Variants in DCDC2C observed in about 807,000 individuals in gnomAD.
DCDC2C encodes the protein doublecortin domain containing 2C.
DCDC2C carries 44 observed loss-of-function variants against 45.0 expected under a neutral mutation model. The ratio of observed to expected loss-of-function variants is 0.98; its 90% CI spans 0.77 to 1.26. The LOEUF (loss-of-function observed/expected upper bound fraction) is 1.26, where lower values mean the gene tolerates loss of function less well. Among genes scored for constraint, DCDC2C ranks in the 50% most tolerant of loss-of-function variants. DCDC2C has a pLI of 0.00. For synonymous variants in DCDC2C, 187 were observed against 178.8 expected (o/e 1.05, Z -0.37); for missense variants, 447 against 468.9 (o/e 0.95, Z 0.43).
intron 8 of DCDC2C, among the ~76,000 whole-genome samples, chr2:3,777,358 TG>T (rs1670369440): frequency 1.3e-5 from 2 of 152,216 alleles, no homozygotes; most frequent in Admixed American, 1.3e-4. Flanking sequence ...AATTAATATC[TG>T]TCTTCCCTAT....
intron 2 of DCDC2C, among the ~76,000 whole-genome samples, chr2:3,721,185 C>T (rs1238509528): frequency 6.6e-6 from 1 of 152,168 alleles, no homozygotes; most frequent in Non-Finnish European, 1.5e-5. Context: ...TCTCAAAGAG[C>T]CAGCTTTTGG....
intron 2 of DCDC2C, among the ~76,000 whole-genome samples, chr2:3,724,199 C>T (rs183459353): frequency 9.2e-5 from 14 of 152,268 alleles, no homozygotes; most frequent in Admixed American, 3.3e-4. Context: ...GACGGTAAGA[C>T]GTAGAGCTGG....
At chr2:3,710,758 A>G (rs555948650) in intron 2 of DCDC2C, among the ~76,000 whole-genome samples, 1 of 152,242 alleles carries the variant, frequency 6.6e-6, no homozygotes, top group Admixed American at 6.5e-5. Context: ...TCCTGCGTTA[A>G]TTCACTTAGG....
intron 4 of DCDC2C, among the ~76,000 whole-genome samples, chr2:3,742,339 G>A (rs34265346): frequency 0.018 from 2,695 of 152,242 alleles, 76 homozygotes; most frequent in African/African-American, 0.061. Flanking sequence ...TGAGTGGGCC[G>A]ACCGTTCAAG....
intron 9 of DCDC2C, among the ~76,000 whole-genome samples, chr2:3,780,560 C>T (rs113153740): frequency 0.032 from 4,870 of 152,226 alleles, 263 homozygotes; most frequent in African/African-American, 0.11. Flanking sequence ...CTCAGGTATC[C>T]GGGCCAAGGA....
rs374128558 is a variant in DCDC2C at position 3,725,770 on chromosome 2, G to C, written c.340-1233G>C. Among the ~76,000 whole-genome samples, 175 of 147,832 alleles carry C rather than the reference G, an allele frequency of 1.2e-3. 1 individual carries two copies. The highest frequency in any genetic ancestry group is 1.9e-3 in the African/African-American group (73 of 39,176). ...GAGAGACTGCCAGAGAGTGATGAGGGTGGCCAGGTGGATCCCGGAGGGAGA... is the reference window on the plus strand; with the variant it reads ...GAGAGACTGCCAGAGAGTGATGAGGCTGGCCAGGTGGATCCCGGAGGGAGA... On this transcript the variant is annotated intron_variant, in intron 2 of 10. Coordinates refer to ENST00000399143, the MANE Select transcript of DCDC2C (RefSeq NM_001287444.2).
chr2:3,834,417 A>G (rs2034733), intron 10 of DCDC2C, among the ~76,000 whole-genome samples: 81,869 of 152,024 alleles, frequency 0.54, 22,904 homozygotes, highest in Non-Finnish European at 0.62. Flanking sequence ...CCATGGTTTC[A>G]CCGGTTCCAG....
In DCDC2C at chr2:3,752,800, A is replaced by G. The variant is rs1160748655; in HGVS notation, c.583A>G (p.Lys195Glu). 4 of 1,550,502 alleles carry G rather than the reference A, an allele frequency of 2.6e-6. No homozygotes were observed. The highest frequency in any genetic ancestry group is 3.5e-6 in the Non-Finnish European group (4 of 1,146,926). ...GAATGGGCATCTTTTGGGCGACTCAAAGGATTTGCAAGACAATCACTTTTA... is the reference window on the plus strand; with the variant it reads ...GAATGGGCATCTTTTGGGCGACTCAGAGGATTTGCAAGACAATCACTTTTA... ...TMNGHLLGDSKDLQDNHFYVA... is the reference protein window; with the variant it reads ...TMNGHLLGDSEDLQDNHFYVA... The change falls in exon 5 of 11, where the codon AAG becomes GAG. Residue 195 changes from lysine to glutamate, a missense_variant. Lys to Glu is a moderately conservative substitution (Grantham distance 56, BLOSUM62 1). Coordinates refer to ENST00000399143, the MANE Select transcript of DCDC2C (RefSeq NM_001287444.2).
At chr2:3,813,070 T>A (rs1327090453) in intron 10 of DCDC2C, among the ~76,000 whole-genome samples, 7,513 of 76,882 alleles carry the variant, frequency 0.098, 442 homozygotes, top group East Asian at 0.14. Flanking sequence ...TATATATATT[T>A]TTTTTTTTTT....
chr2:3,785,024 G>A (rs1219174094), intron 9 of DCDC2C, 35 bp from the exon 10 acceptor site: 8 of 1,223,754 alleles, frequency 6.5e-6, no homozygotes, highest in African/African-American at 3.1e-5. Flanking sequence ...TCCTTCTTGC[G>A]ATAGTTGATT....
chr2:3,782,033 C>T (rs1476335995), intron 9 of DCDC2C, among the ~76,000 whole-genome samples: 2 of 152,158 alleles, frequency 1.3e-5, no homozygotes, highest in African/African-American at 2.4e-5. Context: ...TCACGTTCTC[C>T]GTGTTGCACA....
In DCDC2C at chr2:3,841,505, CT is replaced by C. The variant is rs567741301; in HGVS notation, c.1066-5647del. 2.9e-3 allele frequency among the ~76,000 whole-genome samples: 419 copies of C among 143,504 alleles called. 5 individuals are homozygous for C. Among genetic ancestry groups the C allele is most frequent in the Middle Eastern group, 0.018 (5 of 284 alleles). The allele number at this position is 143,504 out of a possible 152,430, so 94.1% of individuals were successfully genotyped here. ...CTAATTTTATGTGTTTTTGGGAGTG[CT>C]TATGTGTGGGACTAGCAGACTGCTG... is the stretch of plus-strand genomic sequence containing the variant. On this transcript the variant is annotated intron_variant, in intron 10 of 10. Coordinates refer to ENST00000399143, the MANE Select transcript of DCDC2C (RefSeq NM_001287444.2).
chr2:3,844,865 G>A (rs1429401241), intron 10 of DCDC2C, among the ~76,000 whole-genome samples: 1 of 152,180 alleles, frequency 6.6e-6, no homozygotes, highest in Non-Finnish European at 1.5e-5. Flanking sequence ...TGGCATTCTA[G>A]AGTGACTTAG....
At position 3,752,667 on chromosome 2, in the gene DCDC2C, A is replaced by C. The variant is rs989611704; in HGVS notation, c.546-96A>C. ...ATGAGCACTGTTTCTCCAGCGGTCCATGCACTAGTCATGTCATAGTGTATG... is the reference window on the plus strand; with the variant it reads ...ATGAGCACTGTTTCTCCAGCGGTCCCTGCACTAGTCATGTCATAGTGTATG... On this transcript the variant is annotated intron_variant, in intron 4 of 10. Transcript: ENST00000399143. 12 of 1,415,882 alleles carry C rather than the reference A, an allele frequency of 8.5e-6. 1 individual carries two copies. The East Asian group carries it at 1.7e-4, about 21-fold the overall frequency. The allele number at this position is 1,415,882 out of a possible 1,614,324, so 87.7% of individuals were successfully genotyped here. A position where few individuals can be genotyped will look rare whatever the true frequency, so the allele number is the denominator to read the frequency against.
chr2:3,782,237 G>A (rs1295264876), intron 9 of DCDC2C, among the ~76,000 whole-genome samples: 1 of 152,134 alleles, frequency 6.6e-6, no homozygotes, highest in Non-Finnish European at 1.5e-5. Flanking sequence ...TCCTCCTCAC[G>A]CCACAGCTCA....
intron 6 of DCDC2C, among the ~76,000 whole-genome samples, chr2:3,758,803 C>G (rs1165233687): frequency 1.3e-5 from 2 of 152,230 alleles, no homozygotes; most frequent in Non-Finnish European, 2.9e-5. Flanking sequence ...GCCTCACTAA[C>G]ACATCTGGCC....
At chr2:3,801,004 G>A (rs746250966) in intron 10 of DCDC2C, among the ~76,000 whole-genome samples, 1 of 152,202 alleles carries the variant, frequency 6.6e-6, no homozygotes, top group Non-Finnish European at 1.5e-5. Context: ...ATGACTCTTA[G>A]TTCTACAATG....
intron 2 of DCDC2C, among the ~76,000 whole-genome samples, chr2:3,710,698 C>G (rs1305170434): frequency 6.6e-6 from 1 of 152,128 alleles, no homozygotes; most frequent in Non-Finnish European, 1.5e-5. Context: ...TGAGTACCTA[C>G]TGTTTAGTTC....
chr2:3,724,667 G>T (rs1224531391), intron 2 of DCDC2C, among the ~76,000 whole-genome samples: 2 of 152,292 alleles, frequency 1.3e-5, no homozygotes, highest in East Asian at 3.9e-4. Flanking sequence ...GTGGTTTTGT[G>T]TGTGTTGTGA....
Sources: gnomAD v4.1 joint callset for allele counts (sites outside exome capture counted in the v4.1 genomes callset) on GRCh38, gnomAD v4.1.1 for gene constraint, MANE v1.5 for transcripts, NCBI Gene and HGNC (gene_info 2026-07-23, HGNC 2026-07-21) for gene names.